Variants in OPCML observed in about 807,000 individuals in gnomAD.
The protein encoded by OPCML is opioid binding protein/cell adhesion molecule like, also known as opioid-binding protein/cell adhesion molecule.
A neutral mutation model predicts 37.8 loss-of-function variants in OPCML; 13 were observed. The ratio of observed to expected loss-of-function variants is 0.34; its 90% CI spans 0.22 to 0.55. The LOEUF is 0.55. Ranked by LOEUF, OPCML falls within the 20% of genes least tolerant of loss-of-function variation. The pLI, the probability that OPCML is intolerant of heterozygous loss-of-function variation, is 0.91. For missense variants in OPCML, 341 were observed against 435.6 expected (o/e 0.78, Z 1.93); for synonymous variants, 176 against 168.8 (o/e 1.04, Z -0.33).
In OPCML at chr11:133,378,653, CTTTCTTTTCTTTCTTTCT is replaced by C. The variant is rs1430608040; in HGVS notation, c.61+153593_61+153610del. ...CCAGATTTTTGCTGCATGCGAATTT[CTTTCTTTTCTTTCTTTCT>C]TTTCTTTTCTTTCTTTCTTTCTTTT... On this transcript the variant is annotated intron_variant, in intron 1 of 7. Transcript: ENST00000524381. Among the ~76,000 whole-genome samples the C allele has an allele frequency of 2.3e-3, 355 of 152,000 alleles. 3 individuals carry two copies. Among genetic ancestry groups the C allele is most frequent in the African/African-American group, 8.1e-3 (334 of 41,480 alleles).
At chr11:133,284,219 G>A (rs139360981) in intron 1 of OPCML, among the ~76,000 whole-genome samples, 4 of 152,276 alleles carry the variant, frequency 2.6e-5, no homozygotes, top group Non-Finnish European at 4.4e-5. Context: ...AACCTGTACC[G>A]TGGCTCTTTC....
chr11:132,575,789 C>T (rs760708658), intron 3 of OPCML, among the ~76,000 whole-genome samples: 4 of 151,940 alleles, frequency 2.6e-5, no homozygotes, highest in Non-Finnish European at 4.4e-5. Context: ...TTTATTTCAA[C>T]TTGAAGAACT....
At chr11:132,791,005 T>C (rs1302078710) in intron 2 of OPCML, among the ~76,000 whole-genome samples, 1 of 152,204 alleles carries the variant, frequency 6.6e-6, no homozygotes, top group African/African-American at 2.4e-5. Context: ...ATATCAGTCA[T>C]GTCTCCTTGT....
chr11:133,429,320 G>A (rs1946069676), intron 1 of OPCML, among the ~76,000 whole-genome samples: 1 of 152,168 alleles, frequency 6.6e-6, no homozygotes, highest in Non-Finnish European at 1.5e-5. Flanking sequence ...ACTGAGGCAG[G>A]GAAATAGTAG....
At chr11:133,417,533 T>G (rs146504131) in intron 1 of OPCML, among the ~76,000 whole-genome samples, 2,659 of 152,166 alleles carry the variant, frequency 0.017, 75 homozygotes, top group African/African-American at 0.06. Flanking sequence ...ATGCACAACA[T>G]GCAGGTTTGT....
At chr11:133,117,265 C>T (rs2137107227) in intron 1 of OPCML, among the ~76,000 whole-genome samples, 1 of 152,258 alleles carries the variant, frequency 6.6e-6, no homozygotes, top group Non-Finnish European at 1.5e-5. Context: ...ACCCTAGATC[C>T]ATCCATTTCA....
chr11:132,580,718 C>A (rs1300777257), intron 3 of OPCML, among the ~76,000 whole-genome samples: 5 of 152,080 alleles, frequency 3.3e-5, no homozygotes, highest in Admixed American at 3.3e-4. Context: ...GTTCTTACAC[C>A]TATGGTTCTA....
chr11:132,883,559 GA>G (rs576640801), intron 2 of OPCML, among the ~76,000 whole-genome samples: 8 of 152,274 alleles, frequency 5.3e-5, no homozygotes, highest in African/African-American at 1.9e-4. Context: ...ACTGTCTTAT[GA>G]AACATGATTT....
intron 1 of OPCML, among the ~76,000 whole-genome samples, chr11:133,251,704 T>C (rs1469205777): frequency 6.6e-6 from 1 of 152,100 alleles, no homozygotes; most frequent in African/African-American, 2.4e-5. Flanking sequence ...TCTGTCAAAA[T>C]CCTGTATCTG....
chr11:133,333,868 T>C (rs1943681779), intron 1 of OPCML, among the ~76,000 whole-genome samples: 1 of 152,118 alleles, frequency 6.6e-6, no homozygotes. Context: ...GACATATATG[T>C]GTCCAACAAG....
chr11:133,375,282 C>T (rs916500994), intron 1 of OPCML, among the ~76,000 whole-genome samples: 1 of 152,182 alleles, frequency 6.6e-6, no homozygotes, highest in Admixed American at 6.5e-5. Context: ...TAAGTATATA[C>T]CACTCCACCA....
chr11:133,452,025 C>T (rs186134211), intron 1 of OPCML, among the ~76,000 whole-genome samples: 21 of 150,820 alleles, frequency 1.4e-4, no homozygotes, highest in Non-Finnish European at 2.7e-4. Context: ...AACCAAAGAA[C>T]AAAAATCAAT....
chr11:132,579,584 C>G (rs1262327160), intron 3 of OPCML, among the ~76,000 whole-genome samples: 1 of 152,132 alleles, frequency 6.6e-6, no homozygotes, highest in African/African-American at 2.4e-5. Context: ...CTCTCCTGCT[C>G]ATGGTTTCAG....
intron 1 of OPCML, among the ~76,000 whole-genome samples, chr11:133,248,174 C>T (rs748348529): frequency 6.6e-6 from 1 of 152,102 alleles, no homozygotes; most frequent in Non-Finnish European, 1.5e-5. Flanking sequence ...CAGCAAGGAA[C>T]GTACAATTGT....
intron 3 of OPCML, among the ~76,000 whole-genome samples, chr11:132,562,182 C>T (rs529561055): frequency 2.0e-5 from 3 of 152,114 alleles, no homozygotes; most frequent in South Asian, 2.1e-4. Context: ...ACACAGGTCC[C>T]GCCAAATTAA....
chr11:132,571,010 G>T (rs1039433034), intron 3 of OPCML, among the ~76,000 whole-genome samples: 1 of 151,702 alleles, frequency 6.6e-6, no homozygotes, highest in African/African-American at 2.4e-5. Flanking sequence ...GGGAGAGGAA[G>T]ACACATCTTC....
At chr11:132,961,633 G>C (rs868495261) in intron 1 of OPCML, among the ~76,000 whole-genome samples, 6 of 152,312 alleles carry the variant, frequency 3.9e-5, no homozygotes, top group Middle Eastern at 3.4e-3. Flanking sequence ...AAAAATCATG[G>C]TTTCAGACTT....
At chr11:133,284,475 C>A (rs764427488) in intron 1 of OPCML, among the ~76,000 whole-genome samples, 1 of 152,194 alleles carries the variant, frequency 6.6e-6, no homozygotes, top group Non-Finnish European at 1.5e-5. Context: ...AAAAAAACGA[C>A]CTGCCTTCTT....
At chr11:133,077,570 G>A (rs1948643621) in intron 1 of OPCML, among the ~76,000 whole-genome samples, 1 of 151,994 alleles carries the variant, frequency 6.6e-6, no homozygotes, top group Admixed American at 6.6e-5. Context: ...AACTTCAAAA[G>A]CAAAAAGCAC....
Sources: allele counts gnomAD v4.1 joint callset (sites outside exome capture counted in the v4.1 genomes callset), GRCh38; gene constraint gnomAD v4.1.1; transcripts MANE v1.5; gene names NCBI Gene and HGNC (gene_info 2026-07-23, HGNC 2026-07-21).